Variants in PDGFRL observed in about 807,000 individuals in gnomAD.
PDGFRL encodes platelet derived growth factor receptor like.
PDGFRL carries 46 observed loss-of-function variants against 37.2 expected under a neutral mutation model. That is an observed-to-expected ratio of 1.24 (90% CI 0.98 to 1.58). PDGFRL has a LOEUF of 1.58. Ranked by LOEUF, PDGFRL falls within the 40% of genes most tolerant of loss-of-function variation. PDGFRL has a pLI of 0.00. For missense variants in PDGFRL, 692 were observed against 467.6 expected, an observed-to-expected ratio of 1.48 and a Z score of -4.43; for synonymous variants, 251 against 184.3, an observed-to-expected ratio of 1.36 and a Z score of -2.93.
rs966345474 is a variant in PDGFRL at position 17,642,577 on chromosome 8, C to T, written c.940-36C>T. 11 of 1,337,896 alleles carry T rather than the reference C, an allele frequency of 8.2e-6. No individual in the cohort carries two copies. The East Asian group carries it at 1.1e-4, about 14-fold the overall frequency. The allele number at this position is 1,337,896 out of a possible 1,614,324, so 82.9% of individuals were successfully genotyped here. On this transcript the variant is annotated intron_variant, in intron 5 of 5. Coordinates refer to ENST00000251630, the MANE Select transcript of PDGFRL (RefSeq NM_001372073.1). ...TGGGAGCTCTTTATAGCAGCTTGTC[C>T]CTCTTGCTTCAGTCTTTGTGGGTGT...
chr8:17,629,410 G>C (rs1804814416), intron 4 of PDGFRL, among the ~76,000 whole-genome samples: 1 of 152,010 alleles, frequency 6.6e-6, no homozygotes, highest in Non-Finnish European at 1.5e-5. Context: ...AACTCCTTTA[G>C]AGCATCCTCC....
rs552751248 is a variant in PDGFRL, at chr8:17,592,722, C to A, written c.353+2957C>A. 1.8e-4 allele frequency among the ~76,000 whole-genome samples: 28 copies of A among 152,304 alleles called. No individual in the cohort carries two copies. The East Asian group carries it at 5.2e-3, about 28-fold the overall frequency. ...CTCTGGGAAACCCATGGCAGGCCCC[C>A]CCAGCTATGTGTTCCCACAGCACTT... On this transcript the variant is annotated intron_variant, in intron 2 of 5. Coordinates refer to ENST00000251630, the MANE Select transcript of PDGFRL (RefSeq NM_001372073.1).
chr8:17,579,574 ATTATTAT>A (rs905630943), intron 1 of PDGFRL, among the ~76,000 whole-genome samples: 1 of 138,788 alleles, frequency 7.2e-6, no homozygotes, highest in African/African-American at 2.7e-5. Flanking sequence ...TATTATTATT[ATTATTAT>A]TATTGAGATG....
chr8:17,581,757 G>A (rs1803713023), intron 1 of PDGFRL, among the ~76,000 whole-genome samples: 3 of 152,196 alleles, frequency 2.0e-5, no homozygotes, highest in Admixed American at 2.0e-4. Context: ...TTCATTGGAA[G>A]CAGATGTTGG....
intron 4 of PDGFRL, among the ~76,000 whole-genome samples, chr8:17,630,979 C>G (rs1216407740): frequency 6.6e-6 from 1 of 152,092 alleles, no homozygotes; most frequent in Admixed American, 6.5e-5. Context: ...ACCTGATCAC[C>G]TGACTCCAGA....
intron 2 of PDGFRL, among the ~76,000 whole-genome samples, chr8:17,603,091 T>G (rs1158042974): frequency 6.6e-6 from 1 of 152,212 alleles, no homozygotes; most frequent in East Asian, 1.9e-4. Context: ...CAGGTGACTC[T>G]CATGCCTCAG....
At chr8:17,600,198 C>A (rs1804138730) in intron 2 of PDGFRL, among the ~76,000 whole-genome samples, 1 of 152,138 alleles carries the variant, frequency 6.6e-6, no homozygotes, top group Non-Finnish European at 1.5e-5. Flanking sequence ...CCAAGGTCAA[C>A]AAGGGCACTA....
chr8:17,608,116 G>A (rs1251133112), intron 2 of PDGFRL, among the ~76,000 whole-genome samples: 1 of 152,146 alleles, frequency 6.6e-6, no homozygotes, highest in East Asian at 1.9e-4. Flanking sequence ...CTCCTGCCTC[G>A]CTTGGTGCCT....
intron 3 of PDGFRL, among the ~76,000 whole-genome samples, chr8:17,625,254 C>T (rs1052267629): frequency 1.3e-5 from 2 of 151,566 alleles, no homozygotes; most frequent in Non-Finnish European, 2.9e-5. Flanking sequence ...CCGGTTCGAG[C>T]GATTCTCCTG....
At chr8:17,603,537 A>G (rs1342265726) in intron 2 of PDGFRL, among the ~76,000 whole-genome samples, 3 of 152,198 alleles carry the variant, frequency 2.0e-5, no homozygotes, top group South Asian at 2.1e-4. Flanking sequence ...TGTCTTTGAG[A>G]TCGGAAATAG....
chr8:17,592,880 C>G (rs975344177), intron 2 of PDGFRL, among the ~76,000 whole-genome samples: 1 of 151,794 alleles, frequency 6.6e-6, no homozygotes. Context: ...TGACAAGCCT[C>G]CCTGATACAT....
At chr8:17,595,313 C>G (rs147335618) in intron 2 of PDGFRL, among the ~76,000 whole-genome samples, 1 of 152,176 alleles carries the variant, frequency 6.6e-6, no homozygotes, top group African/African-American at 2.4e-5. Context: ...CCAAGTTCCA[C>G]TTGAGTTTTC....
chr8:17,630,897 G>A (rs1228539281), intron 4 of PDGFRL, among the ~76,000 whole-genome samples: 2 of 152,088 alleles, frequency 1.3e-5, no homozygotes, highest in Admixed American at 6.5e-5. Flanking sequence ...GGCTGCCTCT[G>A]CTTGTATGAA....
intron 1 of PDGFRL, among the ~76,000 whole-genome samples, chr8:17,585,822 A>G (rs918772705): frequency 1.3e-5 from 2 of 152,218 alleles, no homozygotes; most frequent in Admixed American, 6.5e-5. Context: ...CTAATAGGTC[A>G]CTTTTGATGA....
At chr8:17,609,119 G>A (rs1332255857) in intron 2 of PDGFRL, among the ~76,000 whole-genome samples, 1 of 152,150 alleles carries the variant, frequency 6.6e-6, no homozygotes, top group African/African-American at 2.4e-5. Flanking sequence ...TGCTTGGGAG[G>A]CTGGGGTGGG....
At chr8:17,624,214 ATG>A (rs1563524856) in intron 3 of PDGFRL, among the ~76,000 whole-genome samples, 1 of 152,172 alleles carries the variant, frequency 6.6e-6, no homozygotes, top group Non-Finnish European at 1.5e-5. Flanking sequence ...CTTTCAGAAC[ATG>A]TGTTTCCTGG....
At chr8:17,632,291 T>G (rs117496389) in intron 4 of PDGFRL, among the ~76,000 whole-genome samples, 3,358 of 152,278 alleles carry the variant, frequency 0.022, 79 homozygotes, top group South Asian at 0.12. Flanking sequence ...ACCTTCTCAT[T>G]TCCCCTATGT....
chr8:17,592,710 A>T (rs1163826789), intron 2 of PDGFRL, among the ~76,000 whole-genome samples: 1 of 152,136 alleles, frequency 6.6e-6, no homozygotes, highest in Non-Finnish European at 1.5e-5. Flanking sequence ...TGGGAAACCC[A>T]TGGCAGGCCC....
At chr8:17,611,840 T>A (rs2517209) in intron 2 of PDGFRL, among the ~76,000 whole-genome samples, 7,996 of 152,234 alleles carry the variant, frequency 0.053, 363 homozygotes, top group African/African-American at 0.12. Context: ...AAAGACTGAT[T>A]TGTCAGCTGA....
Sources: gnomAD v4.1 joint callset for allele counts (sites outside exome capture counted in the v4.1 genomes callset) on GRCh38, gnomAD v4.1.1 for gene constraint, MANE v1.5 for transcripts, NCBI Gene and HGNC (gene_info 2026-07-23, HGNC 2026-07-21) for gene names.